Variants in CREB5 observed in about 807,000 individuals in gnomAD.
CREB5 encodes the protein cAMP responsive element binding protein 5, also known as cyclic AMP-responsive element-binding protein 5.
A neutral mutation model predicts 57.1 loss-of-function variants in CREB5; 19 were observed. The ratio of observed to expected loss-of-function variants is 0.33; its 90% CI spans 0.23 to 0.49. The LOEUF (loss-of-function observed/expected upper bound fraction) is 0.49, where lower values mean the gene tolerates loss of function less well. Among genes scored for constraint, CREB5 ranks in the 20% least tolerant of loss-of-function variants. The pLI, the probability that CREB5 is intolerant of heterozygous loss-of-function variation, is 0.99. For missense variants in CREB5, 579 were observed against 671.6 expected (o/e 0.86, Z 1.52); for synonymous variants, 238 against 238.3 (o/e 1.00, Z 0.01).
chr7:28,345,385 G>T (rs1418221393), intron 1 of CREB5, among the ~76,000 whole-genome samples: 4 of 151,472 alleles, frequency 2.6e-5, no homozygotes, highest in Non-Finnish European at 5.9e-5. Context: ...CAACCACAAT[G>T]ATATGAAACT....
intron 3 of CREB5, among the ~76,000 whole-genome samples, chr7:28,506,079 G>A (rs555494857): frequency 2.6e-4 from 40 of 152,286 alleles, no homozygotes; most frequent in Non-Finnish European, 4.3e-4. Flanking sequence ...TGCAGATGGG[G>A]ATTTTGCTGC....
intron 5 of CREB5, among the ~76,000 whole-genome samples, chr7:28,652,731 A>G (rs1160333472): frequency 6.6e-6 from 1 of 152,232 alleles, no homozygotes; most frequent in Non-Finnish European, 1.5e-5. Context: ...TCTTACACAT[A>G]TTCACCTGGG....
chr7:28,522,010 C>T (rs1405973803), intron 4 of CREB5, among the ~76,000 whole-genome samples: 1 of 152,110 alleles, frequency 6.6e-6, no homozygotes, highest in Admixed American at 6.5e-5. Flanking sequence ...ACCATCATTC[C>T]TTGGGCTCCT....
At chr7:28,441,635 C>A (rs967050557) in intron 1 of CREB5, among the ~76,000 whole-genome samples, 3 of 152,080 alleles carry the variant, frequency 2.0e-5, no homozygotes, top group African/African-American at 7.2e-5. Flanking sequence ...TGGTATGTGG[C>A]AGGTACTATG....
intron 7 of CREB5, among the ~76,000 whole-genome samples, chr7:28,755,117 T>C (rs914523548): frequency 9.9e-5 from 15 of 152,280 alleles, no homozygotes; most frequent in African/African-American, 3.4e-4. Flanking sequence ...ATAGGCATTA[T>C]GGGGGTTACA....
intron 3 of CREB5, among the ~76,000 whole-genome samples, chr7:28,502,547 T>C (rs1583546570): frequency 6.6e-6 from 1 of 152,358 alleles, no homozygotes; most frequent in African/African-American, 2.4e-5. Flanking sequence ...ATCTGAGTCA[T>C]GCAAATAATA....
At chr7:28,727,258 C>T (rs1803379448) in intron 7 of CREB5, among the ~76,000 whole-genome samples, 1 of 152,058 alleles carries the variant, frequency 6.6e-6, no homozygotes, top group Non-Finnish European at 1.5e-5. Context: ...CTTCACAATG[C>T]ACGTATTGGA....
At position 28,535,571 on chromosome 7, in the gene CREB5, T is replaced by C. The variant is rs560006041; in HGVS notation, c.291+27834T>C. ...CTGGATTTTCAGACACTATATCATC[T>C]TAACAAATATTTATGTAGTGGTTAT... On this transcript the variant is annotated intron_variant, in intron 4 of 10. Coordinates refer to ENST00000357727, the MANE Select transcript of CREB5 (RefSeq NM_182898.4). Among the ~76,000 whole-genome samples, 22 of 151,948 alleles carry C rather than the reference T, an allele frequency of 1.4e-4. No individual in the cohort carries two copies. In the South Asian group the frequency reaches 3.7e-3, roughly 26 times the overall value.
chr7:28,693,495 C>T (rs1285708128), intron 5 of CREB5, among the ~76,000 whole-genome samples: 1 of 152,050 alleles, frequency 6.6e-6, no homozygotes, highest in Non-Finnish European at 1.5e-5. Flanking sequence ...TGCCCCTCTG[C>T]CCTCAATGGG....
intron 5 of CREB5, among the ~76,000 whole-genome samples, chr7:28,716,827 A>C (rs1291982268): frequency 3.3e-5 from 5 of 152,202 alleles, no homozygotes; most frequent in African/African-American, 1.2e-4. Flanking sequence ...AATTGAAACC[A>C]GCAGTCTTCT....
At chr7:28,525,449 G>A (rs543361148) in intron 4 of CREB5, among the ~76,000 whole-genome samples, 157 of 152,182 alleles carry the variant, frequency 1.0e-3, no homozygotes, top group Middle Eastern at 6.8e-3. Context: ...CACCAACAGT[G>A]TGTAAGAATT....
chr7:28,448,465 A>C lies in CREB5; in HGVS notation c.3+35548A>C, dbSNP rs73075824. On this transcript the variant is annotated intron_variant, in intron 1 of 10. Coordinates refer to ENST00000357727, the MANE Select transcript of CREB5 (RefSeq NM_182898.4). ...TTTGGCCCTGGCAAGACACCAATGC[A>C]GGCTCTTGGTTCTCTGGGCTCCTTG... 6.4e-3 allele frequency among the ~76,000 whole-genome samples: 972 copies of C among 152,318 alleles called. 5 individuals carry two copies. Among genetic ancestry groups the C allele is most frequent in the Middle Eastern group, 0.02 (6 of 294 alleles).
At chr7:28,424,518 C>T (rs1182791216) in intron 1 of CREB5, among the ~76,000 whole-genome samples, 1 of 152,190 alleles carries the variant, frequency 6.6e-6, no homozygotes, top group Non-Finnish European at 1.5e-5. Flanking sequence ...CAGCAAAACA[C>T]AGCAAAACAA....
rs552310483 is a variant in CREB5 at position 28,509,452 on chromosome 7, G to C, written c.291+1715G>C. 5.3e-5 allele frequency among the ~76,000 whole-genome samples: 8 copies of C among 152,244 alleles called. No homozygotes were observed. In the South Asian group the frequency reaches 1.7e-3, roughly 32 times the overall value. ...ACATGAGAATCATGTAACTGGTTCT[G>C]TTTCTCTTTTCGCTTTGACTGCCAG... On this transcript the variant is annotated intron_variant, in intron 4 of 10. Coordinates refer to ENST00000357727, the MANE Select transcript of CREB5 (RefSeq NM_182898.4).
chr7:28,580,464 A>ACACAC (rs1172764004), intron 5 of CREB5, among the ~76,000 whole-genome samples: 2 of 64,230 alleles, frequency 3.1e-5, no homozygotes, highest in African/African-American at 4.9e-5. Flanking sequence ...CACACACACA[A>ACACAC]TAGATAGCTG....
intron 5 of CREB5, among the ~76,000 whole-genome samples, chr7:28,664,507 C>T (rs1247069008): frequency 6.6e-6 from 1 of 152,056 alleles, no homozygotes; most frequent in African/African-American, 2.4e-5. Context: ...ATGAAATTTC[C>T]CATTTTATTC....
Position 28,427,694 on chromosome 7 carries a change from C to T in CREB5, c.3+14777C>T, listed in dbSNP as rs372199417. On this transcript the variant is annotated intron_variant, in intron 1 of 10. Transcript: ENST00000357727. Reference sequence around the variant, plus strand: ...GAGACTGACCTGCCTCCCATGAACTCTGCCCTCCTCCTCACCCCTCCTAGC... The same window carrying T: ...GAGACTGACCTGCCTCCCATGAACTTTGCCCTCCTCCTCACCCCTCCTAGC... Among the ~76,000 whole-genome samples, 4 of 152,264 alleles carry T rather than the reference C, an allele frequency of 2.6e-5. No homozygotes were observed. In the East Asian group the frequency reaches 5.8e-4, roughly 22 times the overall value.
intron 9 of CREB5, among the ~76,000 whole-genome samples, chr7:28,811,198 C>T (rs990682338): frequency 2.0e-5 from 3 of 152,086 alleles, no homozygotes; most frequent in African/African-American, 7.2e-5. Context: ...ACTCAGTAAC[C>T]ATTTGTTAAA....
intron 7 of CREB5, among the ~76,000 whole-genome samples, chr7:28,787,498 T>C (rs1269830783): frequency 2.6e-5 from 4 of 152,222 alleles, no homozygotes; most frequent in Non-Finnish European, 5.9e-5. Context: ...AAATGAAGTA[T>C]TCTTGGGCCA....
Sources: allele counts gnomAD v4.1 joint callset (sites outside exome capture counted in the v4.1 genomes callset), GRCh38; gene constraint gnomAD v4.1.1; transcripts MANE v1.5; gene names NCBI Gene and HGNC (gene_info 2026-07-23, HGNC 2026-07-21).